Variants in VSTM2L observed in about 807,000 individuals in gnomAD.
The protein encoded by VSTM2L is V-set and transmembrane domain-containing protein 2-like protein.
A neutral mutation model predicts 19.9 loss-of-function variants in VSTM2L; 9 were observed. The observed-to-expected ratio is 0.45, with a 90% confidence interval of 0.27 to 0.79. The LOEUF (loss-of-function observed/expected upper bound fraction) is 0.79. VSTM2L is among the 30% of genes least tolerant of loss of function. The pLI, the probability that VSTM2L is intolerant of heterozygous loss-of-function variation, is 0.15. For missense variants in VSTM2L, 286 were observed against 295.5 expected, an observed-to-expected ratio of 0.97 and a Z score of 0.24; for synonymous variants, 127 against 133.8, an observed-to-expected ratio of 0.95 and a Z score of 0.35.
intron 1 of VSTM2L, among the ~76,000 whole-genome samples, chr20:37,922,380 A>G (rs1411481829): frequency 3.9e-5 from 6 of 152,134 alleles, no homozygotes; most frequent in Non-Finnish European, 7.4e-5. Flanking sequence ...CATTGCACAG[A>G]TGGACTAGAT....
At chr20:37,917,908 A>G (rs151321878) in intron 1 of VSTM2L, among the ~76,000 whole-genome samples, 2 of 152,288 alleles carry the variant, frequency 1.3e-5, no homozygotes, top group African/African-American at 4.8e-5. Flanking sequence ...AAAATTTATG[A>G]CTTCTATATT....
intron 1 of VSTM2L, among the ~76,000 whole-genome samples, chr20:37,911,408 C>A (rs907438533): frequency 6.6e-6 from 1 of 152,160 alleles, no homozygotes; most frequent in African/African-American, 2.4e-5. Flanking sequence ...GAGATTTCTG[C>A]CTTATTTCCC....
Position 37,944,571 on chromosome 20 carries a change from G to A in VSTM2L, c.*318G>A. 8.8e-7 allele frequency: 1 copy of A among 1,140,884 alleles called. No individual in the cohort carries two copies. The highest frequency in any genetic ancestry group is 1.1e-6 in the Non-Finnish European group (1 of 930,180). 70.7% of individuals were successfully genotyped at this position (1,140,884 alleles called of 1,614,324 possible). ...CCTTCCTGTCACCAGCTTCTGTGGA[G>A]TCCAGTGTTTTGCTTTGCTTGCTTG... On this transcript the variant is annotated 3_prime_UTR_variant, in exon 4 of 4. Transcript: ENST00000373461.
chr20:37,939,108 A>T (rs2072957009), intron 3 of VSTM2L, among the ~76,000 whole-genome samples: 1 of 152,172 alleles, frequency 6.6e-6, no homozygotes, highest in Non-Finnish European at 1.5e-5. Context: ...GGTTTAAATA[A>T]GAGTGATGAA....
chr20:37,932,308 G>A (rs553991476), intron 2 of VSTM2L, among the ~76,000 whole-genome samples: 7 of 152,304 alleles, frequency 4.6e-5, no homozygotes, highest in East Asian at 3.9e-4. Context: ...GTGCATGCTC[G>A]TATGTACACA....
At chr20:37,910,462 A>G (rs568350679) in intron 1 of VSTM2L, among the ~76,000 whole-genome samples, 1 of 152,318 alleles carries the variant, frequency 6.6e-6, no homozygotes, top group East Asian at 1.9e-4. Context: ...TCATTCATTC[A>G]TTCTTTTATT....
chr20:37,922,816 C>T (rs2072859292), intron 1 of VSTM2L, among the ~76,000 whole-genome samples: 1 of 152,162 alleles, frequency 6.6e-6, no homozygotes, highest in Non-Finnish European at 1.5e-5. Context: ...GCCTGAGTCC[C>T]ACTGGCTCCC....
chr20:37,924,754 A>C (rs1393040152), intron 1 of VSTM2L, among the ~76,000 whole-genome samples: 1 of 151,910 alleles, frequency 6.6e-6, no homozygotes, highest in Non-Finnish European at 1.5e-5. Flanking sequence ...CAGTATCCTC[A>C]CTCAGAGTTA....
intron 3 of VSTM2L, among the ~76,000 whole-genome samples, chr20:37,940,180 G>A (rs965335446): frequency 6.6e-6 from 1 of 152,210 alleles, no homozygotes; most frequent in African/African-American, 2.4e-5. Flanking sequence ...ATTCGCTCCC[G>A]CTGCGCATTT....
intron 1 of VSTM2L, among the ~76,000 whole-genome samples, chr20:37,927,800 G>A (rs142015554): frequency 6.6e-5 from 10 of 152,216 alleles, no homozygotes; most frequent in Admixed American, 3.3e-4. Context: ...ACCCAAGGGC[G>A]GCCCTCTCTG....
chr20:37,914,597 G>C (rs2072806221), intron 1 of VSTM2L, among the ~76,000 whole-genome samples: 1 of 151,832 alleles, frequency 6.6e-6, no homozygotes, highest in African/African-American at 2.4e-5. Flanking sequence ...TGTTCCCTCT[G>C]CCCCTCGTGC....
At position 37,945,064 on chromosome 20, in the gene VSTM2L, G is replaced by C; in HGVS notation, c.*811G>C. ...ATGCCCCAGCTCCCTCTTGGGTCCTGTGCCAAGTCCGCCCCAGGGCCTGGG... is the reference window on the plus strand; with the variant it reads ...ATGCCCCAGCTCCCTCTTGGGTCCTCTGCCAAGTCCGCCCCAGGGCCTGGG... On this transcript the variant is annotated 3_prime_UTR_variant, in exon 4 of 4. Transcript: ENST00000373461. 1.0e-6 allele frequency: 1 copy of C among 985,832 alleles called. No individual in the cohort carries two copies. The highest frequency in any genetic ancestry group is 1.2e-6 in the Non-Finnish European group (1 of 829,944). The allele number at this position is 985,832 out of a possible 1,614,324, so 61.1% of individuals were successfully genotyped here.
rs77470925 is a variant in VSTM2L at position 37,920,278 on chromosome 20, G to C, written c.122-11357G>C. Among the ~76,000 whole-genome samples, 88 of 152,344 alleles carry C rather than the reference G, an allele frequency of 5.8e-4. 1 individual carries two copies. The East Asian group carries it at 0.016, about 27-fold the overall frequency. On this transcript the variant is annotated intron_variant, in intron 1 of 3. Transcript: ENST00000373461. ...TCAGTTTCCCTGCCTGGAATAAAGG[G>C]ACAATGATCCCTGCCCAGCAGGATC...
chr20:37,922,581 G>A (rs1418606951), intron 1 of VSTM2L, among the ~76,000 whole-genome samples: 2 of 152,190 alleles, frequency 1.3e-5, no homozygotes, highest in African/African-American at 2.4e-5. Flanking sequence ...CAGTCCCCAA[G>A]GGGAGTCCTG....
chr20:37,939,523 G>A (rs1218130194), intron 3 of VSTM2L, among the ~76,000 whole-genome samples: 1 of 152,156 alleles, frequency 6.6e-6, no homozygotes, highest in Non-Finnish European at 1.5e-5. Flanking sequence ...TTAGCCACTG[G>A]CACTACTGTT....
chr20:37,941,646 A>T (rs1026035784), intron 3 of VSTM2L, among the ~76,000 whole-genome samples: 12 of 152,144 alleles, frequency 7.9e-5, no homozygotes, highest in African/African-American at 2.9e-4. Context: ...GCTTGGCAGG[A>T]ACAGGCCAGC....
chr20:37,910,936 A>G (rs889350604), intron 1 of VSTM2L, among the ~76,000 whole-genome samples: 39 of 150,910 alleles, frequency 2.6e-4, no homozygotes, highest in African/African-American at 4.9e-4. Flanking sequence ...AAAAAAAGAA[A>G]AAGAAGAAGA....
intron 1 of VSTM2L, among the ~76,000 whole-genome samples, chr20:37,904,978 C>A (rs2072743664): frequency 6.6e-6 from 1 of 152,126 alleles, no homozygotes; most frequent in Non-Finnish European, 1.5e-5. Context: ...GGAAAGGGTT[C>A]TTTTGATCCT....
chr20:37,903,715 C>A (rs546970925), intron 1 of VSTM2L, among the ~76,000 whole-genome samples: 1 of 152,190 alleles, frequency 6.6e-6, no homozygotes, highest in African/African-American at 2.4e-5. Flanking sequence ...ATGGCCACAC[C>A]GATATGCACA....
Sources: allele counts gnomAD v4.1 joint callset (sites outside exome capture counted in the v4.1 genomes callset), GRCh38; gene constraint gnomAD v4.1.1; transcripts MANE v1.5; gene names NCBI Gene and HGNC (gene_info 2026-07-23, HGNC 2026-07-21).